Variants in TSPYL5 observed in about 807,000 individuals in gnomAD.
TSPYL5 encodes the protein TSPY like 5.
For missense variants in TSPYL5, 556 were observed against 555.5 expected (o/e 1.00, Z -0.01); for synonymous variants, 276 against 236.1 (o/e 1.17, Z -1.55).
rs1407012588 is a variant in TSPYL5, at chr8:97,276,523, G to A, written c.*68C>T. 3 of 1,543,068 alleles carry A rather than the reference G, an allele frequency of 1.9e-6. No homozygotes were observed. The highest frequency in any genetic ancestry group is 2.6e-6 in the Non-Finnish European group (3 of 1,144,748). ...ACACAGAGGCCAACATGAAGAGAAG[G>A]CAGAGAGCCAAATATGTAGTCAACC... On this transcript the variant is annotated 3_prime_UTR_variant, in exon 1 of 1. Coordinates refer to ENST00000322128, the MANE Select transcript of TSPYL5 (RefSeq NM_033512.3).
Position 97,276,755 on chromosome 8 carries a change from T to C in TSPYL5, c.1090A>G (p.Lys364Glu). The C allele has an allele frequency of 6.2e-7, 1 of 1,614,190 alleles. No homozygotes were observed. The highest frequency in any genetic ancestry group is 1.7e-5 in the Admixed American group (1 of 60,016). The change falls in exon 1 of 1, where the codon AAG becomes GAG. Residue 364 changes from lysine (K) to glutamate (E), a missense_variant. Transcript: ENST00000322128. ...TCTTCGTTGATTATCTCCACAATCT[T>C]GTCAGACTCAATGGAGCTGTGGTTT... The part of the protein sequence containing the change: ...FSNHSSIESD[K>E]IVEIINEELW...
chr8:97,277,040 G>C lies in TSPYL5; in HGVS notation c.805C>G (p.Gln269Glu), dbSNP rs762246880. The C allele has an allele frequency of 6.2e-7, 1 of 1,614,104 alleles. No individual in the cohort carries two copies. The highest frequency in any genetic ancestry group is 1.1e-5 in the South Asian group (1 of 91,086). Residue 269 changes from glutamine to glutamate, a missense_variant, in exon 1 of 1, where the codon CAA (glutamine) becomes GAA (glutamate). By Grantham distance (29) the Gln-to-Glu change is conservative. Coordinates refer to ENST00000322128, the MANE Select transcript of TSPYL5 (RefSeq NM_033512.3). This position sits in a 1 kb window ranked among gnomAD's most constrained non-coding sequence, Gnocchi z 4.5. The stretch of plus-strand genomic sequence containing the variant: ...AAGTAGCTCAGTACCTCTTTCTCTT[G>C]GCTATTCAGAAAGGATGCTAGCTGG... ...HPQLASFLNS[Q>E]EKEVLSYLNS...
chr8:97,277,663 C>T lies in TSPYL5; in HGVS notation c.182G>A (p.Gly61Asp). The change falls in exon 1 of 1, where the codon GGC becomes GAC. Residue 61 changes from glycine (G) to aspartate (D), a missense_variant. Transcript: ENST00000322128. The surrounding 1 kb of genome is among the most constrained non-coding windows in gnomAD (Gnocchi z 4.5). ...AQVQAGAGWG[G>D]LEAAASAQLL... ...CTGCGCGGACGCAGCGGCTTCCAGG[C>T]CACCCCACCCCGCGCCAGCCTGCAC... The T allele has an allele frequency of 1.4e-6, 2 of 1,475,472 alleles. No individual in the cohort carries two copies. Among genetic ancestry groups the T allele is most frequent in the Middle Eastern group, 1.8e-4 (1 of 5,654 alleles). The allele number at this position is 1,475,472 out of a possible 1,614,324, so 91.4% of individuals were successfully genotyped here.
chr8:97,276,343 C>T lies in TSPYL5; in HGVS notation c.*248G>A, dbSNP rs917952651. ...TCCAGGCAATGTAGATAACAGGGAG[C>T]ACACATCTAAAGTATGTGTGCTTAA... is the stretch of plus-strand genomic sequence containing the variant. On this transcript the variant is annotated 3_prime_UTR_variant, in exon 1 of 1. Transcript: ENST00000322128. 10 of 477,918 alleles carry T rather than the reference C, an allele frequency of 2.1e-5. No individual in the cohort carries two copies. The highest frequency in any genetic ancestry group is 1.8e-4 in the African/African-American group (9 of 51,340). 29.6% of individuals were successfully genotyped at this position (477,918 alleles called of 1,614,324 possible).
rs1227278695 is a variant in TSPYL5 at position 97,273,492 on chromosome 8, AG to A, written c.*3098del. On this transcript the variant is annotated 3_prime_UTR_variant, in exon 1 of 1. Coordinates refer to ENST00000322128, the MANE Select transcript of TSPYL5 (RefSeq NM_033512.3). ...CTTTTTTGAAAATCAGAAATATAAC[AG>A]AGATACAGGTTTTTATTTTTCCATC... The A allele has an allele frequency of 6.6e-6, 1 of 152,502 alleles. No individual in the cohort carries two copies. Among genetic ancestry groups the A allele is most frequent in the Non-Finnish European group, 1.5e-5 (1 of 68,036 alleles). The allele number at this position is 152,502 out of a possible 1,614,324, so 9.4% of individuals were successfully genotyped here. A position where few individuals can be genotyped will look rare whatever the true frequency, so the allele number is the denominator to read the frequency against.
At position 97,277,100 on chromosome 8, in the gene TSPYL5, G is replaced by A. The variant is rs745523497; in HGVS notation, c.745C>T (p.Pro249Ser). The A allele has an allele frequency of 1.2e-6, 2 of 1,612,008 alleles. No individual in the cohort carries two copies. Among genetic ancestry groups the A allele is most frequent in the Non-Finnish European group, 1.7e-6 (2 of 1,180,024 alleles). ...TGAAATGCTTGCCCCCAGAAGCCCG[G>A]GATATTTTGGATGAGGTGGTTCCTG... Reference protein sequence around the residue: ...ERRNHLIQNIPGFWGQAFQNH... With the variant: ...ERRNHLIQNISGFWGQAFQNH... The change falls in exon 1 of 1, where the codon CCG becomes TCG. Residue 249 changes from proline (P) to serine (S), a missense_variant. Pro to Ser is a moderately conservative substitution (Grantham distance 74, BLOSUM62 -1). Transcript: ENST00000322128. The surrounding 1 kb of genome is among the most constrained non-coding windows in gnomAD (Gnocchi z 4.5).
rs141273981 is a variant in TSPYL5, at chr8:97,276,768, G to A, written c.1077C>T (p.Ser359=). 2.0e-4 allele frequency: 322 copies of A among 1,614,132 alleles called. No individual in the cohort carries two copies. In the African/African-American group the frequency reaches 3.8e-3, roughly 19 times the overall value. The change falls in exon 1 of 1, where the codon TCC becomes TCT. Residue 359 remains serine, a synonymous_variant. Transcript: ENST00000322128. ...TCTCCACAATCTTGTCAGACTCAAT[G>A]GAGCTGTGGTTTGAAAACCACCCAA... ...SFFGWFSNHS[S]IESDKIVEII...
In TSPYL5 at chr8:97,276,719, T is replaced by C. The variant is rs1428655000; in HGVS notation, c.1126A>G (p.Asn376Asp). ...VEIINEELWP[N>D]PLQFYLLSEG... ...CTCAAAAGGTAGAACTGCAAGGGATTGGGCCACAATTCTTCGTTGATTATC... is the reference window on the plus strand; with the variant it reads ...CTCAAAAGGTAGAACTGCAAGGGATCGGGCCACAATTCTTCGTTGATTATC... Residue 376 changes from asparagine to aspartate, a missense_variant, in exon 1 of 1, where the codon AAT (asparagine) becomes GAT (aspartate). Coordinates refer to ENST00000322128, the MANE Select transcript of TSPYL5 (RefSeq NM_033512.3). 10 of 1,614,058 alleles carry C rather than the reference T, an allele frequency of 6.2e-6. No homozygotes were observed. Among genetic ancestry groups the C allele is most frequent in the Non-Finnish European group, 8.5e-6 (10 of 1,180,042 alleles).
rs1810495589 is a variant in TSPYL5 at position 97,275,313 on chromosome 8, T to C, written c.*1278A>G. 6.6e-6 allele frequency: 1 copy of C among 151,898 alleles called. No homozygotes were observed. Among genetic ancestry groups the C allele is most frequent in the Non-Finnish European group, 1.5e-5 (1 of 68,034 alleles). 9.4% of individuals were successfully genotyped at this position (151,898 alleles called of 1,614,324 possible). A position where few individuals can be genotyped will look rare whatever the true frequency, so the allele number is the denominator to read the frequency against. On this transcript the variant is annotated 3_prime_UTR_variant, in exon 1 of 1. Transcript: ENST00000322128. ...CTCCCCAGCTGTATGTAGAAAAATG[T>C]GGTTTTTCAGTTGTTTTCTCTGTGG... is the stretch of plus-strand genomic sequence containing the variant.
chr8:97,277,734 G>C lies in TSPYL5; in HGVS notation c.111C>G (p.Asp37Glu), dbSNP rs1463484582. The C allele has an allele frequency of 6.4e-7, 1 of 1,554,918 alleles. No homozygotes were observed. Among genetic ancestry groups the C allele is most frequent in the East Asian group, 2.6e-5 (1 of 38,440 alleles). The part of the protein sequence containing the change: ...PAPDDAPRDP[D>E]PSQYQSLGED... The stretch of plus-strand genomic sequence containing the variant: ...CCCCGAGACTCTGGTACTGTGAAGG[G>C]TCCGGGTCGCGCGGGGCGTCGTCCG... The change falls in exon 1 of 1, where the codon GAC (aspartate) becomes GAG (glutamate). Residue 37 changes from aspartate (D) to glutamate (E), a missense_variant. Physicochemically the swap from Asp to Glu is conservative, Grantham distance 45 (BLOSUM62 2). Transcript: ENST00000322128. The surrounding 1 kb of genome is among the most constrained non-coding windows in gnomAD (Gnocchi z 4.5).
chr8:97,276,408 C>G lies in TSPYL5; in HGVS notation c.*183G>C, dbSNP rs1586069966. 1.1e-5 allele frequency: 8 copies of G among 757,142 alleles called. No homozygotes were observed. The East Asian group carries it at 2.0e-4, about 19-fold the overall frequency. 46.9% of individuals were successfully genotyped at this position (757,142 alleles called of 1,614,324 possible). A position where few individuals can be genotyped will look rare whatever the true frequency, so the allele number is the denominator to read the frequency against. On this transcript the variant is annotated 3_prime_UTR_variant, in exon 1 of 1. Coordinates refer to ENST00000322128, the MANE Select transcript of TSPYL5 (RefSeq NM_033512.3). ...GGGTGCGATCACATAACATGTGACA[C>G]TAACGTAGAAAAGCAAGAGGCTATG... is the stretch of plus-strand genomic sequence containing the variant.
rs1481963431 is a variant in TSPYL5 at position 97,277,368 on chromosome 8, C to T, written c.477G>A (p.Gly159=). 1.9e-6 allele frequency: 3 copies of T among 1,602,722 alleles called. No homozygotes were observed. The highest frequency in any genetic ancestry group is 2.6e-6 in the Non-Finnish European group (3 of 1,174,086). Residue 159 remains glycine, a synonymous_variant, in exon 1 of 1, where the codon GGG becomes GGA. Coordinates refer to ENST00000322128, the MANE Select transcript of TSPYL5 (RefSeq NM_033512.3). This position sits in a 1 kb window ranked among gnomAD's most constrained non-coding sequence, Gnocchi z 4.5. The part of the protein sequence containing the change: ...APETCSTAGR[G]PQVIAGGRQK... ...GCCTCCCACCAGCTATGACCTGAGG[C>T]CCCCTCCCCGCGGTGCTACAGGTTT...
chr8:97,277,196 C>A lies in TSPYL5; in HGVS notation c.649G>T (p.Ala217Ser). 1 of 1,612,694 alleles carries A rather than the reference C, an allele frequency of 6.2e-7. No homozygotes were observed. Among genetic ancestry groups the A allele is most frequent in the South Asian group, 1.1e-5 (1 of 91,066 alleles). Residue 217 changes from alanine (A) to serine (S), a missense_variant, in exon 1 of 1, where the codon GCC (alanine) becomes TCC (serine). Transcript: ENST00000322128. The surrounding 1 kb of genome is among the most constrained non-coding windows in gnomAD (Gnocchi z 4.5). Reference protein sequence around the residue: ...NVQLKLENMNAQADRAYLRLS... With the variant: ...NVQLKLENMNSQADRAYLRLS... ...CGAAGGTAGGCCCTGTCCGCCTGGG[C>A]GTTCATGTTCTCCAGCTTCAGCTGC...
rs1377554255 is a variant in TSPYL5, at chr8:97,277,159, T to C, written c.686A>G (p.Lys229Arg). The change falls in exon 1 of 1, where the codon AAG (lysine) becomes AGG (arginine). Residue 229 changes from lysine to arginine, a missense_variant. Physicochemically the swap from Lys to Arg is conservative, Grantham distance 26. Coordinates refer to ENST00000322128, the MANE Select transcript of TSPYL5 (RefSeq NM_033512.3). This position sits in a 1 kb window ranked among gnomAD's most constrained non-coding sequence, Gnocchi z 4.5. ...GTGCTGCAGTCGCAACTGCCCAAAC[T>C]TCCTGGAGAGCCGAAGGTAGGCCCT... ...ADRAYLRLSRKFGQLRLQHLE... is the reference protein window; with the variant it reads ...ADRAYLRLSRRFGQLRLQHLE... 8.7e-6 allele frequency: 14 copies of C among 1,611,144 alleles called. No homozygotes were observed. Among genetic ancestry groups the C allele is most frequent in the Non-Finnish European group, 1.2e-5 (14 of 1,180,020 alleles).
Position 97,277,560 on chromosome 8 carries a change from CCCCGCAGCTCGGG to C in TSPYL5, c.272_284del (p.Ala91GlyfsTer69). ...GCCTGGCCGCGGCCTGCCCGTGGTC[CCCCGCAGCTCGGG>C]CCCGCAGCGCGAGGCCACAGTCCAG... On this transcript the variant is annotated frameshift_variant, in exon 1 of 1. Transcript: ENST00000322128. LOFTEE classifies it low-confidence loss of function (END_TRUNC). The surrounding 1 kb of genome is among the most constrained non-coding windows in gnomAD (Gnocchi z 4.5). The C allele has an allele frequency of 1.4e-6, 2 of 1,469,430 alleles. No homozygotes were observed. The highest frequency in any genetic ancestry group is 2.9e-5 in the Admixed American group (1 of 35,012). 91.0% of individuals were successfully genotyped at this position (1,469,430 alleles called of 1,614,324 possible). A position where few individuals can be genotyped will look rare whatever the true frequency, so the allele number is the denominator to read the frequency against.
rs146920266 is a variant in TSPYL5 at position 97,275,937 on chromosome 8, G to A, written c.*654C>T. 6.5e-6 allele frequency: 1 copy of A among 152,830 alleles called. No individual in the cohort carries two copies. Among genetic ancestry groups the A allele is most frequent in the African/African-American group, 2.4e-5 (1 of 41,580 alleles). 9.5% of individuals were successfully genotyped at this position (152,830 alleles called of 1,614,324 possible). A position where few individuals can be genotyped will look rare whatever the true frequency, so the allele number is the denominator to read the frequency against. ...GCAAGAAGAGACACATGATGGTACA[G>A]AACACATGGCATACTGTTTCTTGCC... is the stretch of plus-strand genomic sequence containing the variant. On this transcript the variant is annotated 3_prime_UTR_variant, in exon 1 of 1. Transcript: ENST00000322128.
rs1810481378 is a variant in TSPYL5, at chr8:97,274,567, T to C, written c.*2024A>G. 6.6e-6 allele frequency: 1 copy of C among 151,496 alleles called. No individual in the cohort carries two copies. Among genetic ancestry groups the C allele is most frequent in the African/African-American group, 2.4e-5 (1 of 40,878 alleles). 9.4% of individuals were successfully genotyped at this position (151,496 alleles called of 1,614,324 possible). A position where few individuals can be genotyped will look rare whatever the true frequency, so the allele number is the denominator to read the frequency against. On this transcript the variant is annotated 3_prime_UTR_variant, in exon 1 of 1. Coordinates refer to ENST00000322128, the MANE Select transcript of TSPYL5 (RefSeq NM_033512.3). ...ATACTCTATCACTGAGAGACAGGCA[T>C]GCTCCCCCTGCGGCTTCTCAAGCCA...
Position 97,275,972 on chromosome 8 carries a change from A to C in TSPYL5, c.*619T>G, listed in dbSNP as rs1161271287. On this transcript the variant is annotated 3_prime_UTR_variant, in exon 1 of 1. Transcript: ENST00000322128. ...CATACTGTTTCTTGCCCTTAACTTC[A>C]TGCATGCCCAGCAGTCAAGTGCCAT... is the stretch of plus-strand genomic sequence containing the variant. 6.5e-6 allele frequency: 1 copy of C among 153,084 alleles called. No individual in the cohort carries two copies. The highest frequency in any genetic ancestry group is 1.5e-5 in the Non-Finnish European group (1 of 68,738). 9.5% of individuals were successfully genotyped at this position (153,084 alleles called of 1,614,324 possible). A position where few individuals can be genotyped will look rare whatever the true frequency, so the allele number is the denominator to read the frequency against.
rs144911939 is a variant in TSPYL5 at position 97,277,120 on chromosome 8, T to C, written c.725A>G (p.Asn242Ser). 7.6e-5 allele frequency: 123 copies of C among 1,610,812 alleles called. No homozygotes were observed. Among genetic ancestry groups the C allele is most frequent in the Non-Finnish European group, 9.5e-5 (112 of 1,180,006 alleles). ...GCCCGGGATATTTTGGATGAGGTGG[T>C]TCCTGCGCTCCAAGTGCTGCAGTCG... The part of the protein sequence containing the change: ...QLRLQHLERR[N>S]HLIQNIPGFW... Residue 242 changes from asparagine (N) to serine (S), a missense_variant, in exon 1 of 1, where the codon AAC becomes AGC. Transcript: ENST00000322128. The surrounding 1 kb of genome is among the most constrained non-coding windows in gnomAD (Gnocchi z 4.5).
Sources: gnomAD v4.1 joint callset for allele counts on GRCh38, gnomAD v4.1.1 for gene constraint, Gnocchi (gnomAD v3.1) non-coding constraint, MANE v1.5 for transcripts, NCBI Gene and HGNC (gene_info 2026-07-23, HGNC 2026-07-21) for gene names.